The following PPP2R3C variants were observed in gnomAD, a reference collection of about 807,000 sequenced individuals.
The protein encoded by PPP2R3C is protein phosphatase 2 regulatory subunit B''gamma, also known as serine/threonine-protein phosphatase 2A regulatory subunit B'' subunit gamma.
PPP2R3C carries 47 observed loss-of-function variants against 63.7 expected under a neutral mutation model. The observed-to-expected ratio is 0.74, with a 90% confidence interval of 0.58 to 0.94. The LOEUF (loss-of-function observed/expected upper bound fraction) is 0.94. Ranked by LOEUF, PPP2R3C falls within the 40% of genes least tolerant of loss-of-function variation. The probability of loss-of-function intolerance (pLI) is 0.00; values close to 1 mark genes in which losing one functional copy is unlikely to be tolerated. For synonymous variants in PPP2R3C, 180 were observed against 177.4 expected, an observed-to-expected ratio of 1.01 and a Z score of -0.12; for missense variants, 421 against 518.4, an observed-to-expected ratio of 0.81 and a Z score of 1.82.
chr14:35,104,546 G>A (rs1364911401), intron 6 of PPP2R3C, among the ~76,000 whole-genome samples: 2 of 152,058 alleles, frequency 1.3e-5, no homozygotes, highest in African/African-American at 2.4e-5. Context: ...GAGGTGAAAA[G>A]TAAGTCCATA....
chr14:35,096,037 G>C (rs1273198118), intron 9 of PPP2R3C, among the ~76,000 whole-genome samples: 1 of 152,086 alleles, frequency 6.6e-6, no homozygotes, highest in Non-Finnish European at 1.5e-5. Context: ...TGAAAAGGAA[G>C]TGTATAACTT....
intron 10 of PPP2R3C, among the ~76,000 whole-genome samples, chr14:35,092,325 C>T (rs2045847665): frequency 6.6e-6 from 1 of 152,200 alleles, no homozygotes; most frequent in South Asian, 2.1e-4. Context: ...TGGCCTCGGC[C>T]TCCCAAAGTG....
At chr14:35,122,294 G>C (rs2046936399), upstream of PPP2R3C, 1 of 321,570 alleles carries the variant, frequency 3.1e-6, no homozygotes, top group East Asian at 6.1e-5. Context: ...TGCGCACCAC[G>C]TGACCCAGGA....
chr14:35,107,268 A>T, intron 6 of PPP2R3C, 36 bp downstream of exon 6: 1 of 1,476,306 alleles, frequency 6.8e-7, no homozygotes, highest in Non-Finnish European at 9.5e-7. Flanking sequence ...TAGTGTCTAT[A>T]AGAGTTAATA....
At chr14:35,118,410 C>CTGA (rs1045331662) in intron 1 of PPP2R3C, among the ~76,000 whole-genome samples, 145 of 152,258 alleles carry the variant, frequency 9.5e-4, no homozygotes, top group African/African-American at 3.3e-3. Context: ...ATCTAGTACA[C>CTGA]TGATGAAGGA....
chr14:35,091,046 C>G (rs751406928), intron 11 of PPP2R3C, 24 bp downstream of exon 11: 1 of 1,582,432 alleles, frequency 6.3e-7, no homozygotes, highest in Non-Finnish European at 8.6e-7. Context: ...GGAACAATGA[C>G]TCACTTATGC....
rs1566411552 is a variant in PPP2R3C at position 35,099,380 on chromosome 14, A to G, written c.578T>C (p.Leu193Ser). The change falls in exon 7 of 13, where the codon TTA (leucine) becomes TCA (serine). Residue 193 changes from leucine (L) to serine (S), a missense_variant. By Grantham distance (145) the Leu-to-Ser change is moderately radical. This residue lies in a region of PPP2R3C where 47 missense variants were observed against 102.3 expected (regional missense o/e 0.46). Coordinates refer to ENST00000261475, the MANE Select transcript of PPP2R3C (RefSeq NM_017917.4). ...AGQGYLRESDLENYILELIPT... is the reference protein window; with the variant it reads ...AGQGYLRESDSENYILELIPT... ...GATAAGTTCCAATATGTAGTTTTCT[A>G]AATCCTGAAAATAAAACAAAATAAA... The G allele has an allele frequency of 1.9e-6, 3 of 1,590,148 alleles. No homozygotes were observed. The highest frequency in any genetic ancestry group is 1.7e-4 in the Middle Eastern group (1 of 6,030).
intron 7 of PPP2R3C, among the ~76,000 whole-genome samples, chr14:35,097,479 GTTC>G (rs957002981): frequency 1.4e-5 from 2 of 145,918 alleles, no homozygotes; most frequent in African/African-American, 5.0e-5. Flanking sequence ...TCTTGTTCTT[GTTC>G]TTTTTTTTTT....
chr14:35,110,128 A>C (rs1454036816), intron 3 of PPP2R3C, 197 bp from the exon 4 acceptor site: 4 of 517,806 alleles, frequency 7.7e-6, no homozygotes, highest in Non-Finnish European at 1.4e-5. Flanking sequence ...CTTTTGATAT[A>C]CACTGCCTCT....
At chr14:35,109,725 G>T (rs2046485741) in intron 4 of PPP2R3C, 94 bp downstream of exon 4, 2 of 1,016,282 alleles carry the variant, frequency 2.0e-6, no homozygotes, top group South Asian at 1.7e-5. Context: ...AAAACTGCTG[G>T]GATTACAGGT....
At chr14:35,090,237 GTT>G (rs34745484) in intron 11 of PPP2R3C, among the ~76,000 whole-genome samples, 18,106 of 116,332 alleles carry the variant, frequency 0.16, 710 homozygotes, top group East Asian at 0.31. Context: ...GGTAGTTGTA[GTT>G]TTTTTTTTTT....
rs574594174 is a variant in PPP2R3C at position 35,108,195 on chromosome 14, G to C, written c.446C>G (p.Thr149Arg). The C allele has an allele frequency of 6.3e-7, 1 of 1,591,746 alleles. No homozygotes were observed. The highest frequency in any genetic ancestry group is 1.4e-5 in the African/African-American group (1 of 73,922). ...GATGGAAATTCTTCCATATGAATCT[G>C]TATGAAGGAGTTTAGCAAAGACTTT... is the stretch of plus-strand genomic sequence containing the variant. ...TAKVFAKLLHTDSYGRISIMQ... is the reference protein window; with the variant it reads ...TAKVFAKLLHRDSYGRISIMQ... Residue 149 changes from threonine (T) to arginine (R), a missense_variant, in exon 5 of 13, where the codon ACA becomes AGA. Thr to Arg is a moderately conservative substitution (Grantham distance 71). Transcript: ENST00000261475.
upstream of PPP2R3C, chr14:35,122,066 T>C: frequency 8.4e-7 from 1 of 1,189,162 alleles, no homozygotes; most frequent in Non-Finnish European, 1.2e-6. Context: ...AGGAAGGCCG[T>C]CCAACCACCA....
chr14:35,103,799 A>G (rs1194616314), intron 6 of PPP2R3C, among the ~76,000 whole-genome samples: 1 of 152,242 alleles, frequency 6.6e-6, no homozygotes, highest in Non-Finnish European at 1.5e-5. Flanking sequence ...ATAAGATTTA[A>G]TAAGTGAATA....
intron 9 of PPP2R3C, among the ~76,000 whole-genome samples, chr14:35,095,926 G>T (rs750319088): frequency 8.0e-5 from 12 of 149,824 alleles, no homozygotes; most frequent in Non-Finnish European, 1.8e-4. Flanking sequence ...AGCTCCATCA[G>T]TAGACCCTGG....
At chr14:35,088,130 T>C in intron 11 of PPP2R3C, 120 bp from the exon 12 acceptor site, 2 of 750,036 alleles carry the variant, frequency 2.7e-6, no homozygotes, top group South Asian at 3.0e-5. Flanking sequence ...CTCATCATTC[T>C]CTCTCTTGCC....
chr14:35,094,824 T>C (rs575662873), intron 10 of PPP2R3C, among the ~76,000 whole-genome samples: 1 of 152,030 alleles, frequency 6.6e-6, no homozygotes, highest in Non-Finnish European at 1.5e-5. Context: ...TGCAGTGGCA[T>C]GCACCCATAA....
chr14:35,099,531 T>A, intron 6 of PPP2R3C, 147 bp from the exon 7 acceptor site: 1 of 1,005,666 alleles, frequency 9.9e-7, no homozygotes, highest in Non-Finnish European at 1.3e-6. Flanking sequence ...TATTTTACAT[T>A]AAATTTTGTT....
Position 35,085,695 on chromosome 14 carries a change from T to C in PPP2R3C, c.1257A>G (p.Thr419=). The change falls in exon 13 of 13, where the codon ACA becomes ACG. Residue 419 remains threonine, a synonymous_variant. Coordinates refer to ENST00000261475, the MANE Select transcript of PPP2R3C (RefSeq NM_017917.4). ...QDLINSNQGD[T]VTTILIDLNG... ...TCAAATCGATTAGAATGGTGGTTAC[T>C]GTGTCTCCTTGATTACTGTTGATTA... 1 of 1,612,428 alleles carries C rather than the reference T, an allele frequency of 6.2e-7. No individual in the cohort carries two copies. The highest frequency in any genetic ancestry group is 8.5e-7 in the Non-Finnish European group (1 of 1,178,512).
Sources: allele counts gnomAD v4.1 joint callset (sites outside exome capture counted in the v4.1 genomes callset), GRCh38; gene constraint gnomAD v4.1.1; regional missense constraint gnomAD v4.1.1; transcripts MANE v1.5; gene names NCBI Gene and HGNC (gene_info 2026-07-23, HGNC 2026-07-21).